Variants in RHBDD1 observed in about 807,000 individuals in gnomAD.
The protein encoded by RHBDD1 is rhomboid domain containing 1, also known as rhomboid-related protein 4.
RHBDD1 carries 38 observed loss-of-function variants against 36.3 expected under a neutral mutation model. The ratio of observed to expected loss-of-function variants is 1.05; its 90% CI spans 0.81 to 1.37. The LOEUF is 1.37. RHBDD1 is among the 40% of genes most tolerant of loss of function. RHBDD1 has a pLI of 0.00. For missense variants in RHBDD1, 393 were observed against 377.6 expected, an observed-to-expected ratio of 1.04 and a Z score of -0.34; for synonymous variants, 151 against 136.5, an observed-to-expected ratio of 1.11 and a Z score of -0.74.
At chr2:226,835,620 G>T (rs932955235), upstream of RHBDD1, 8 of 152,304 alleles carry the variant, frequency 5.3e-5, no homozygotes, top group African/African-American at 1.9e-4. Context: ...GGCCCGGAAG[G>T]ACGAAGCTTC....
chr2:226,850,341 C>G (rs947018128), intron 3 of RHBDD1, among the ~76,000 whole-genome samples: 1 of 152,188 alleles, frequency 6.6e-6, no homozygotes, highest in African/African-American at 2.4e-5. Context: ...AGGTTAAATA[C>G]TCAGTGTCTT....
intron 3 of RHBDD1, among the ~76,000 whole-genome samples, chr2:226,863,857 C>T (rs1287126020): frequency 6.6e-6 from 1 of 152,176 alleles, no homozygotes; most frequent in Non-Finnish European, 1.5e-5. Flanking sequence ...TTCTCATTGT[C>T]AACCCCAAAT....
the RHBDD1 span, chr2:226,804,528 A>T: frequency 6.6e-6 from 1 of 152,196 alleles, no homozygotes; most frequent in Non-Finnish European, 1.5e-5. Flanking sequence ...TTTCCTTTGA[A>T]GAATATCAAT....
intron 5 of RHBDD1, among the ~76,000 whole-genome samples, chr2:226,894,502 G>A (rs1946940472): frequency 6.6e-6 from 1 of 152,074 alleles, no homozygotes; most frequent in Non-Finnish European, 1.5e-5. Flanking sequence ...ATCTCCTGAT[G>A]TCAAGTGATC....
the RHBDD1 span, chr2:226,804,175 A>C: frequency 6.6e-6 from 1 of 152,188 alleles, no homozygotes; most frequent in Non-Finnish European, 1.5e-5. Flanking sequence ...TCTGGTAAGC[A>C]TGAAGAGTTA....
At chr2:226,867,131 T>G in intron 4 of RHBDD1, 55 bp from the exon 5 acceptor site, 2 of 1,497,916 alleles carry the variant, frequency 1.3e-6, no homozygotes, top group Non-Finnish European at 1.8e-6. Context: ...TTTGTAAATG[T>G]TGATACTCCT....
At chr2:226,866,000 T>C (rs190142205) in intron 4 of RHBDD1, among the ~76,000 whole-genome samples, 3 of 152,264 alleles carry the variant, frequency 2.0e-5, no homozygotes, top group Admixed American at 1.3e-4. Flanking sequence ...ATAATCACTC[T>C]GCATAACCTA....
intron 8 of RHBDD1, among the ~76,000 whole-genome samples, chr2:226,969,348 T>C (rs939482731): frequency 6.8e-6 from 1 of 146,654 alleles, no homozygotes; most frequent in Non-Finnish European, 1.5e-5. Context: ...TGCCCAACTG[T>C]CACAAAGCAG....
chr2:226,936,710 G>A (rs560289398), intron 8 of RHBDD1, among the ~76,000 whole-genome samples: 5 of 152,134 alleles, frequency 3.3e-5, no homozygotes, highest in Non-Finnish European at 5.9e-5. Context: ...GCTCAGTACC[G>A]TCATTCATTC....
chr2:226,922,337 A>G (rs996894116), intron 8 of RHBDD1, among the ~76,000 whole-genome samples: 33 of 150,046 alleles, frequency 2.2e-4, no homozygotes, highest in East Asian at 7.9e-4. Context: ...CCTCCCGAGT[A>G]GCTGGGACTA....
chr2:226,908,903 A>C lies in RHBDD1; in HGVS notation c.712+25A>C, dbSNP rs763115942. 2.8e-6 allele frequency: 4 copies of C among 1,442,668 alleles called. No homozygotes were observed. The South Asian group carries it at 4.7e-5, about 17-fold the overall frequency. 89.4% of individuals were successfully genotyped at this position (1,442,668 alleles called of 1,614,324 possible). ...GGTAGGCACTGTATTTCATTTAATA[A>C]ATTTTAACTTATTTTTAAAATTATA... On this transcript the variant is annotated intron_variant, in intron 7 of 8. Transcript: ENST00000392062.
chr2:226,902,864 T>C (rs1349301098), intron 5 of RHBDD1, among the ~76,000 whole-genome samples: 2 of 152,192 alleles, frequency 1.3e-5, no homozygotes, highest in African/African-American at 2.4e-5. Context: ...GAAAACCATT[T>C]AGAGATAGAT....
chr2:226,842,882 A>G (rs538129583), intron 3 of RHBDD1, among the ~76,000 whole-genome samples: 39 of 152,318 alleles, frequency 2.6e-4, no homozygotes, highest in Non-Finnish European at 5.3e-4. Context: ...GGCCGTTTTC[A>G]TGATATTGAT....
At chr2:226,892,470 A>G (rs1946763000) in intron 5 of RHBDD1, among the ~76,000 whole-genome samples, 1 of 152,184 alleles carries the variant, frequency 6.6e-6, no homozygotes, top group South Asian at 2.1e-4. Context: ...TGTGCATATG[A>G]CTTTTTGTAC....
intron 5 of RHBDD1, chr2:226,895,640 T>G (rs768683619): frequency 1.0e-6 from 1 of 984,470 alleles, no homozygotes; most frequent in Non-Finnish European, 1.2e-6. Context: ...TTTATTTAAT[T>G]TAGGACAACC....
intron 3 of RHBDD1, among the ~76,000 whole-genome samples, chr2:226,853,285 T>C (rs369640692): frequency 2.6e-5 from 4 of 152,222 alleles, no homozygotes; most frequent in African/African-American, 9.6e-5. Context: ...TAAAAAATAT[T>C]GGCCACGAAG....
intron 4 of RHBDD1, among the ~76,000 whole-genome samples, chr2:226,866,319 C>G (rs565741970): frequency 6.6e-6 from 1 of 152,314 alleles, no homozygotes; most frequent in Non-Finnish European, 1.5e-5. Context: ...ATTCACCCAC[C>G]TTGGCCTCCC....
intron 8 of RHBDD1, among the ~76,000 whole-genome samples, chr2:226,972,263 C>G (rs1194524567): frequency 6.6e-6 from 1 of 152,148 alleles, no homozygotes; most frequent in East Asian, 1.9e-4. Flanking sequence ...TGATCTCATT[C>G]TTTTGTATGG....
chr2:226,837,970 TG>T (rs1941162092), intron 1 of RHBDD1, 102 bp from the exon 2 acceptor site: 2 of 152,230 alleles, frequency 1.3e-5, no homozygotes, highest in Admixed American at 1.3e-4. Flanking sequence ...AAAGATCTCA[TG>T]TCTACTCTAG....
Sources: gnomAD v4.1 joint callset for allele counts (sites outside exome capture counted in the v4.1 genomes callset) on GRCh38, gnomAD v4.1.1 for gene constraint, MANE v1.5 for transcripts, NCBI Gene and HGNC (gene_info 2026-07-23, HGNC 2026-07-21) for gene names.